WDR27: variants seen among roughly 807,000 people sequenced by gnomAD.
The protein encoded by WDR27 is WD repeat-containing protein 27.
Under a neutral mutation model 114.4 loss-of-function variants are expected in WDR27, and 100 were observed. The ratio of observed to expected loss-of-function variants is 0.87; its 90% CI spans 0.74 to 1.03. WDR27 has a LOEUF of 1.03. Ranked by LOEUF, WDR27 falls within the 50% of genes least tolerant of loss-of-function variation. WDR27 has a pLI of 0.00. For missense variants in WDR27, 1,129 were observed against 1,092.9 expected (o/e 1.03, Z -0.47); for synonymous variants, 449 against 423.1 (o/e 1.06, Z -0.75).
intron 1 of WDR27, among the ~76,000 whole-genome samples, chr6:169,693,768 A>C (rs937531101): frequency 4.6e-5 from 7 of 152,216 alleles, no homozygotes; most frequent in Non-Finnish European, 1.0e-4. Context: ...ACAATGATAA[A>C]AGGATTAGTC....
At chr6:169,579,427 G>A (rs1481896691) in intron 24 of WDR27, among the ~76,000 whole-genome samples, 2 of 152,252 alleles carry the variant, frequency 1.3e-5, no homozygotes, top group African/African-American at 4.8e-5. Flanking sequence ...AAATTAGGGG[G>A]TCTGAGGCAG....
chr6:169,634,880 C>T (rs1817296218), intron 19 of WDR27, among the ~76,000 whole-genome samples: 2 of 152,118 alleles, frequency 1.3e-5, no homozygotes, highest in South Asian at 2.1e-4. Flanking sequence ...GAAGACATGC[C>T]TCAGCTTCAC....
At chr6:169,607,929 C>T (rs984815592) in intron 22 of WDR27, among the ~76,000 whole-genome samples, 1 of 152,094 alleles carries the variant, frequency 6.6e-6, no homozygotes, top group Non-Finnish European at 1.5e-5. Context: ...CAATTTTGTC[C>T]CTGTGTGAAT....
At chr6:169,562,419 A>C (rs961315515) in intron 25 of WDR27, among the ~76,000 whole-genome samples, 1 of 152,248 alleles carries the variant, frequency 6.6e-6, no homozygotes, top group African/African-American at 2.4e-5. Flanking sequence ...ACAAAAATCA[A>C]AAGAGAATTT....
chr6:169,573,740 G>C (rs150529269), intron 24 of WDR27, among the ~76,000 whole-genome samples: 40 of 152,312 alleles, frequency 2.6e-4, no homozygotes, highest in African/African-American at 8.4e-4. Flanking sequence ...GTGTGAAGCA[G>C]CTTTCTCCAT....
chr6:169,665,672 T>A, intron 6 of WDR27, 116 bp from the exon 7 acceptor site: 1 of 994,162 alleles, frequency 1.0e-6, no homozygotes, highest in Non-Finnish European at 1.4e-6. Context: ...GTATTTCTGT[T>A]AGTCAAGTTT....
At chr6:169,473,262 T>C (rs758738548) in intron 25 of WDR27, among the ~76,000 whole-genome samples, 4 of 152,204 alleles carry the variant, frequency 2.6e-5, no homozygotes, top group Non-Finnish European at 4.4e-5. Flanking sequence ...CCCAGCTCTC[T>C]GTCCACATCA....
At chr6:169,514,033 TTGATTGCTGAC>T (rs1294107955) in intron 25 of WDR27, among the ~76,000 whole-genome samples, 1 of 152,134 alleles carries the variant, frequency 6.6e-6, no homozygotes, top group African/African-American at 2.4e-5. Context: ...GCAATCTACA[TTGATTGCTGAC>T]TGATTCCAAG....
chr6:169,659,143 G>A lies in WDR27; in HGVS notation c.1262C>T (p.Ala421Val), dbSNP rs1187525478. The part of the protein sequence containing the change: ...KIAVLEINPA[A>V]LVRAQQCPSM... ...GGGGCACTGCTGAGCCCTGACTAGC[G>A]CGGCCGGGTTGATCTCCAACACGGC... The change falls in exon 12 of 26, where the codon GCG (alanine) becomes GTG (valine). Residue 421 changes from alanine to valine, a missense_variant. Physicochemically the swap from Ala to Val is moderately conservative, Grantham distance 64. Coordinates refer to ENST00000448612, the MANE Select transcript of WDR27 (RefSeq NM_182552.5). This position sits in a 1 kb window ranked among gnomAD's most constrained non-coding sequence, Gnocchi z 4.3. The A allele has an allele frequency of 2.9e-5, 47 of 1,610,784 alleles. No homozygotes were observed. The highest frequency in any genetic ancestry group is 4.5e-5 in the East Asian group (2 of 44,778).
At chr6:169,652,191 C>G (rs2128245131) in intron 13 of WDR27, among the ~76,000 whole-genome samples, 183 bp from the exon 14 acceptor site, 1 of 152,294 alleles carries the variant, frequency 6.6e-6, no homozygotes, top group East Asian at 1.9e-4. Flanking sequence ...AAGATTAAAT[C>G]AAGGGATTAA....
intron 2 of WDR27, among the ~76,000 whole-genome samples, chr6:169,686,750 C>T (rs770709702): frequency 3.6e-4 from 54 of 152,096 alleles, no homozygotes; most frequent in Non-Finnish European, 7.1e-4. Flanking sequence ...AAGCATCCAT[C>T]CACAGATAAA....
At chr6:169,430,654 C>G in the WDR27 span, among the ~76,000 whole-genome samples, 1 of 152,208 alleles carries the variant, frequency 6.6e-6, no homozygotes, top group Non-Finnish European at 1.5e-5. Flanking sequence ...CACTTTCAAA[C>G]GAGGCTCCAC....
chr6:169,623,991 A>G (rs1276300392), intron 21 of WDR27, among the ~76,000 whole-genome samples: 1 of 152,140 alleles, frequency 6.6e-6, no homozygotes, highest in Non-Finnish European at 1.5e-5. Context: ...GGCGAGGTGA[A>G]CACCAGACAC....
intron 25 of WDR27, among the ~76,000 whole-genome samples, chr6:169,560,097 G>C (rs573518171): frequency 2.0e-5 from 3 of 152,066 alleles, no homozygotes; most frequent in African/African-American, 7.2e-5. Flanking sequence ...CACTTGAATC[G>C]TATCTCCCAG....
At chr6:169,469,124 G>T (rs1785999040) in intron 25 of WDR27, among the ~76,000 whole-genome samples, 1 of 152,078 alleles carries the variant, frequency 6.6e-6, no homozygotes. Context: ...AGAATATTCT[G>T]CCCTTGGCCC....
intron 23 of WDR27, among the ~76,000 whole-genome samples, chr6:169,586,178 A>G (rs925286166): frequency 6.6e-6 from 1 of 152,116 alleles, no homozygotes; most frequent in Non-Finnish European, 1.5e-5. Flanking sequence ...TCCAAGATCC[A>G]TAGCTTGAAA....
chr6:169,695,383 A>G (rs1246321075), intron 1 of WDR27, among the ~76,000 whole-genome samples: 1 of 152,186 alleles, frequency 6.6e-6, no homozygotes, highest in African/African-American at 2.4e-5. Context: ...AGAAGCATAG[A>G]TTCCGTTTTG....
At chr6:169,602,106 C>G in intron 23 of WDR27, 113 bp downstream of exon 23, 1 of 659,822 alleles carries the variant, frequency 1.5e-6, no homozygotes, top group Non-Finnish European at 2.4e-6. Flanking sequence ...AAAATATTGA[C>G]CAACAGTCAA....
intron 25 of WDR27, among the ~76,000 whole-genome samples, chr6:169,565,242 A>C (rs922834585): frequency 3.9e-5 from 6 of 152,244 alleles, no homozygotes; most frequent in African/African-American, 1.4e-4. Flanking sequence ...ACTGAAGGCC[A>C]GTTTCCAAAT....
Sources: allele counts gnomAD v4.1 joint callset (sites outside exome capture counted in the v4.1 genomes callset), GRCh38; gene constraint gnomAD v4.1.1; non-coding constraint Gnocchi (gnomAD v3.1); transcripts MANE v1.5; gene names NCBI Gene and HGNC (gene_info 2026-07-23, HGNC 2026-07-21).